The following QPCT variants were observed in gnomAD, a reference collection of about 807,000 sequenced individuals.
QPCT encodes glutaminyl-peptide cyclotransferase, also known as EC.
Under a neutral mutation model 43.4 loss-of-function variants are expected in QPCT, and 44 were observed. That is an observed-to-expected ratio of 1.01 (90% CI 0.80 to 1.30). The LOEUF is 1.30. Among genes scored for constraint, QPCT ranks in the 50% most tolerant of loss-of-function variants. QPCT has a pLI of 0.00. For synonymous variants in QPCT, 168 were observed against 168.4 expected, an observed-to-expected ratio of 1.00 and a Z score of 0.02; for missense variants, 526 against 436.5, an observed-to-expected ratio of 1.21 and a Z score of -1.83.
intron 4 of QPCT, among the ~76,000 whole-genome samples, chr2:37,367,959 C>T (rs979758028): frequency 4.6e-5 from 7 of 152,302 alleles, no homozygotes; most frequent in Non-Finnish European, 7.3e-5. Context: ...AATTGGATTA[C>T]AGGAACTTCA....
At chr2:37,353,106 A>G (rs1672657573) in intron 2 of QPCT, among the ~76,000 whole-genome samples, 171 bp downstream of exon 2, 3 of 152,222 alleles carry the variant, frequency 2.0e-5, no homozygotes, top group Admixed American at 2.0e-4. Context: ...GTCTGTTCTG[A>G]ATTAAGTGGT....
chr2:37,354,834 T>C (rs931504251), intron 2 of QPCT, among the ~76,000 whole-genome samples: 5 of 152,160 alleles, frequency 3.3e-5, no homozygotes, highest in Admixed American at 6.5e-5. Flanking sequence ...CTTTTTTTTT[T>C]CCCATACCAT....
chr2:37,347,144 T>TTTATATATATATA (rs1389307350), intron 1 of QPCT, among the ~76,000 whole-genome samples: 3 of 55,346 alleles, frequency 5.4e-5, no homozygotes, highest in East Asian at 1.7e-3. Flanking sequence ...ATGGGGTGTT[T>TTTATATATATATA]TATATATATA....
At chr2:37,372,262 GT>G (rs1443527295) in intron 5 of QPCT, 93 bp from the exon 6 acceptor site, 5 of 892,198 alleles carry the variant, frequency 5.6e-6, no homozygotes, top group Non-Finnish European at 9.3e-6. Flanking sequence ...ATGGACACAT[GT>G]GCTAAGATTT....
rs528014044 is a variant in QPCT at position 37,369,759 on chromosome 2, G to A, written c.798G>A (p.Arg266=). 5.6e-6 allele frequency: 9 copies of A among 1,601,576 alleles called. No individual in the cohort carries two copies. In the Admixed American group the frequency reaches 8.3e-5, roughly 15 times the overall value. The change falls in exon 5 of 7, where the codon AGG becomes AGA. Residue 266 remains arginine, a synonymous_variant. Transcript: ENST00000338415. ...CCAATTTTTTTCCAAACTCAGCCAG[G>A]TGGTTCGAAAGACTTCAAGCAATTG... ...TFPNFFPNSA[R]WFERLQAIEH... is the part of the protein sequence containing the mutation.
intron 1 of QPCT, among the ~76,000 whole-genome samples, chr2:37,349,254 A>G (rs1672570045): frequency 6.6e-6 from 1 of 152,172 alleles, no homozygotes; most frequent in Non-Finnish European, 1.5e-5. Context: ...TAAATGGTTG[A>G]GCCCAGGAGG....
At chr2:37,372,556 C>A in intron 6 of QPCT, 84 bp downstream of exon 6, 1 of 1,458,224 alleles carries the variant, frequency 6.9e-7, no homozygotes, top group Non-Finnish European at 9.6e-7. Context: ...TGAGAAAGTA[C>A]ACAGATGATG....
chr2:37,369,187 G>T, intron 4 of QPCT, among the ~76,000 whole-genome samples: 1 of 152,162 alleles, frequency 6.6e-6, no homozygotes, highest in Non-Finnish European at 1.5e-5. Context: ...AGGAAATGGA[G>T]ATCCAGAGAC....
At chr2:37,365,934 G>A (rs1672950728) in intron 3 of QPCT, among the ~76,000 whole-genome samples, 1 of 152,214 alleles carries the variant, frequency 6.6e-6, no homozygotes, top group Non-Finnish European at 1.5e-5. Context: ...AGACAGTGTG[G>A]TTATATATTT....
At chr2:37,361,724 T>C (rs144737147) in intron 3 of QPCT, among the ~76,000 whole-genome samples, 121 of 152,330 alleles carry the variant, frequency 7.9e-4, no homozygotes, top group Non-Finnish European at 1.4e-3. Context: ...AGGTTATGTA[T>C]CCCAAGAAGA....
chr2:37,344,837 T>G lies in QPCT; in HGVS notation c.106T>G (p.Trp36Gly). 1 of 1,597,474 alleles carries G rather than the reference T, an allele frequency of 6.3e-7. No homozygotes were observed. Among genetic ancestry groups the G allele is most frequent in the Non-Finnish European group, 8.5e-7 (1 of 1,173,128 alleles). Reference sequence around the variant, plus strand: ...GGGGGTCAGTCCGAGTGCCTCAGCCTGGCCAGAGGAGAAGGTGAGGGGCTG... The same window carrying G: ...GGGGGTCAGTCCGAGTGCCTCAGCCGGGCCAGAGGAGAAGGTGAGGGGCTG... Reference protein sequence around the residue: ...SRGVSPSASAWPEEKNYHQPA... With the variant: ...SRGVSPSASAGPEEKNYHQPA... The change falls in exon 1 of 7, where the codon TGG becomes GGG. Residue 36 changes from tryptophan (W) to glycine (G), a missense_variant. Coordinates refer to ENST00000338415, the MANE Select transcript of QPCT (RefSeq NM_012413.4).
intron 3 of QPCT, among the ~76,000 whole-genome samples, chr2:37,361,116 T>C (rs1007625645): frequency 6.6e-6 from 1 of 152,216 alleles, no homozygotes; most frequent in Non-Finnish European, 1.5e-5. Context: ...CTCATAGTAA[T>C]CCTTTCTGTT....
chr2:37,372,674 C>T lies in QPCT; in HGVS notation c.941-8C>T, dbSNP rs1673104905. On this transcript the variant is annotated splice_polypyrimidine_tract_variant and splice_region_variant and intron_variant, in intron 6 of 6. Coordinates refer to ENST00000338415, the MANE Select transcript of QPCT (RefSeq NM_012413.4). ...GCACATTGTTACAAGTTGGTTCTTT[C>T]TTAATAGGTGTTCCAGTTCTGCATC... The T allele has an allele frequency of 6.2e-7, 1 of 1,610,726 alleles. No individual in the cohort carries two copies. Among genetic ancestry groups the T allele is most frequent in the Non-Finnish European group, 8.5e-7 (1 of 1,178,640 alleles).
chr2:37,351,774 C>T (rs1291040948), intron 1 of QPCT, among the ~76,000 whole-genome samples: 4 of 152,062 alleles, frequency 2.6e-5, no homozygotes, highest in Non-Finnish European at 2.9e-5. Flanking sequence ...CCCAGCTACT[C>T]GGGAGGCTGA....
rs113551302 is a variant in QPCT, at chr2:37,348,820, T to C, written c.120+3969T>C. Among the ~76,000 whole-genome samples the C allele has an allele frequency of 4.7e-3, 713 of 152,298 alleles. 7 individuals are homozygous for C. The highest frequency in any genetic ancestry group is 0.017 in the African/African-American group (690 of 41,556). ...ATTCCTCTGAGAACACCTGCACCAA[T>C]AGAAAATTGTCTAAGTGTCTTTTAA... is the stretch of plus-strand genomic sequence containing the variant. On this transcript the variant is annotated intron_variant, in intron 1 of 6. Transcript: ENST00000338415.
At chr2:37,360,143 T>A (rs545741266) in intron 3 of QPCT, 1 of 402,408 alleles carries the variant, frequency 2.5e-6, no homozygotes, top group African/African-American at 2.0e-5. Flanking sequence ...AAGGAGGAAG[T>A]TTGTTTCAGG....
intron 2 of QPCT, among the ~76,000 whole-genome samples, chr2:37,357,081 T>G (rs375028444): frequency 5.9e-5 from 9 of 152,144 alleles, no homozygotes; most frequent in African/African-American, 2.2e-4. Flanking sequence ...GATTTTAGTG[T>G]CAACAAGGTC....
In QPCT at chr2:37,362,341, C is replaced by A. The variant is rs998165295; in HGVS notation, c.546+2483C>A. 1.8e-4 allele frequency among the ~76,000 whole-genome samples: 28 copies of A among 152,236 alleles called. No homozygotes were observed. In the Middle Eastern group the frequency reaches 0.014, roughly 74 times the overall value. On this transcript the variant is annotated intron_variant, in intron 3 of 6. Transcript: ENST00000338415. ...AGAATGTCTCTACTGAAGCAAGCAC[C>A]TTACAATTTTTGCCAACGAGAAAAT...
intron 2 of QPCT, chr2:37,358,906 T>C (rs1672803574): frequency 1.3e-5 from 2 of 152,316 alleles, no homozygotes; most frequent in South Asian, 4.1e-4. Flanking sequence ...TCTGTATCTT[T>C]TATTAGTGTT....
Sources: gnomAD v4.1 joint callset for allele counts (sites outside exome capture counted in the v4.1 genomes callset) on GRCh38, gnomAD v4.1.1 for gene constraint, MANE v1.5 for transcripts, NCBI Gene and HGNC (gene_info 2026-07-23, HGNC 2026-07-21) for gene names.